The following PTCHD1 variants were observed in gnomAD, a reference collection of about 807,000 sequenced individuals.
PTCHD1 encodes the protein patched domain containing 1, also known as patched domain-containing protein 1.
Under a neutral mutation model 34.6 loss-of-function variants are expected in PTCHD1, and 3 were observed. That is an observed-to-expected ratio of 0.09 (90% CI 0.04 to 0.22). The LOEUF (loss-of-function observed/expected upper bound fraction) is 0.22, where lower values mean the gene tolerates loss of function less well. PTCHD1 is among the 10% of genes least tolerant of loss of function. The pLI is 1.00. For missense variants in PTCHD1, 504 were observed against 685.5 expected (o/e 0.74, Z 2.96); for synonymous variants, 305 against 283.1 (o/e 1.08, Z -0.77).
At chrX:23,387,725 ATC>A (rs1359718737) in intron 2 of PTCHD1, among the ~76,000 whole-genome samples, 2 of 110,047 alleles carry the variant, frequency 1.8e-5, no homozygotes, top group East Asian at 2.9e-4. Context: ...GCTCCCTTCA[ATC>A]TCTCTCTCTC....
rs182314506 is a variant in PTCHD1, at chrX:23,396,656, G to T, written c.*2471G>T. 3 of 111,905 alleles carry T rather than the reference G, an allele frequency of 2.7e-5. No individual in the cohort carries two copies. The East Asian group carries it at 8.4e-4, about 31-fold the overall frequency. 9.2% of individuals were successfully genotyped at this position (111,905 alleles called of 1,213,427 possible). ...GAACTCTGTTTTATGACAGATAATA[G>T]TTTTCCAACTTGATTGAGTCTCTGT... is the stretch of plus-strand genomic sequence containing the variant. On this transcript the variant is annotated 3_prime_UTR_variant, in exon 3 of 3. Transcript: ENST00000379361.
At chrX:23,370,709 G>A (rs1427453056) in intron 1 of PTCHD1, among the ~76,000 whole-genome samples, 2 of 111,670 alleles carry the variant, frequency 1.8e-5, no homozygotes, top group African/African-American at 6.5e-5. Context: ...TCCTTTCAAA[G>A]AAAAAATGTT....
intron 1 of PTCHD1, among the ~76,000 whole-genome samples, chrX:23,339,000 G>GA (rs1297881506): frequency 2.7e-5 from 3 of 110,402 alleles, no homozygotes; most frequent in East Asian, 5.7e-4. Flanking sequence ...GATTTTTTTG[G>GA]AAAAAAAATC....
chrX:23,379,532 C>A lies in PTCHD1; in HGVS notation c.352-59C>A, dbSNP rs139421310. On this transcript the variant is annotated intron_variant, in intron 1 of 2. Coordinates refer to ENST00000379361, the MANE Select transcript of PTCHD1 (RefSeq NM_173495.3). ...CTTAGAGACGGAATGTCCACCCTCT[C>A]CAAAAAATAAAAATAGAAATATTTG... 5.1e-3 allele frequency: 5,860 copies of A among 1,147,275 alleles called. 22 individuals carry two copies. The highest frequency in any genetic ancestry group is 0.011 in the Middle Eastern group (42 of 3,690). 94.5% of individuals were successfully genotyped at this position (1,147,275 alleles called of 1,213,427 possible).
At chrX:23,360,166 A>C (rs1168137614) in intron 1 of PTCHD1, among the ~76,000 whole-genome samples, 5 of 112,203 alleles carry the variant, frequency 4.5e-5, no homozygotes, top group Non-Finnish European at 9.4e-5. Flanking sequence ...GCCTCATAAA[A>C]TGAGTTAGGG....
chrX:23,373,717 C>T (rs1034111217), intron 1 of PTCHD1, among the ~76,000 whole-genome samples: 2 of 111,946 alleles, frequency 1.8e-5, no homozygotes, highest in African/African-American at 6.5e-5. Context: ...ACTGCTGCAG[C>T]CAGATCCATC....
At chrX:23,360,741 A>C (rs1921956894) in intron 1 of PTCHD1, among the ~76,000 whole-genome samples, 1 of 111,714 alleles carries the variant, frequency 9.0e-6, no homozygotes, top group Non-Finnish European at 1.9e-5. Flanking sequence ...TTGTGATGTT[A>C]GGGTGTCAAC....
rs770278429 is a variant in PTCHD1 at position 23,402,936 on chromosome X, TGTA to T, written c.*8756_*8758del. The T allele has an allele frequency of 2.7e-5, 3 of 112,461 alleles. No individual in the cohort carries two copies. In the East Asian group the frequency reaches 8.3e-4, roughly 31 times the overall value. 9.3% of individuals were successfully genotyped at this position (112,461 alleles called of 1,213,427 possible). A position where few individuals can be genotyped will look rare whatever the true frequency, so the allele number is the denominator to read the frequency against. ...TTCAATGTTGCTTTAACAGTCCAAT[TGTA>T]GTAGGTGAGAAAACAAAAAAGAAGA... On this transcript the variant is annotated 3_prime_UTR_variant, in exon 3 of 3. Transcript: ENST00000379361.
intron 1 of PTCHD1, among the ~76,000 whole-genome samples, chrX:23,363,016 G>A (rs1922031680): frequency 8.9e-6 from 1 of 111,772 alleles, no homozygotes; most frequent in Admixed American, 9.4e-5. Flanking sequence ...TCCTTCCTCT[G>A]GAAGCTTCAT....
Position 23,375,434 on chromosome X carries a change from C to T in PTCHD1, c.352-4157C>T, listed in dbSNP as rs778700323. 1.2e-3 allele frequency among the ~76,000 whole-genome samples: 134 copies of T among 109,240 alleles called. 2 individuals carry two copies. The highest frequency in any genetic ancestry group is 4.9e-3 in the Admixed American group (52 of 10,532). 94.9% of individuals were successfully genotyped at this position (109,240 alleles called of 115,157 possible). On this transcript the variant is annotated intron_variant, in intron 1 of 2. Coordinates refer to ENST00000379361, the MANE Select transcript of PTCHD1 (RefSeq NM_173495.3). Reference sequence around the variant, plus strand: ...CCTCCCATGTAGCTGGGATAACAGGCGCACACACCACCACGCCCGGCTAAT... The same window carrying T: ...CCTCCCATGTAGCTGGGATAACAGGTGCACACACCACCACGCCCGGCTAAT...
At chrX:23,341,345 A>ACTCTC (rs1921303441) in intron 1 of PTCHD1, among the ~76,000 whole-genome samples, 1 of 112,442 alleles carries the variant, frequency 8.9e-6, no homozygotes, top group African/African-American at 3.2e-5. Context: ...CCTTAAAAAT[A>ACTCTC]CGAGAAGGAG....
At position 23,391,090 on chromosome X, in the gene PTCHD1, C is replaced by T. The variant is rs184546439; in HGVS notation, c.1013-1441C>T. 2.7e-5 allele frequency among the ~76,000 whole-genome samples: 3 copies of T among 111,733 alleles called. No homozygotes were observed. The East Asian group carries it at 8.5e-4, about 31-fold the overall frequency. ...ACAGGGACTCGAAGTAGGGAAATGT[C>T]TGGCTCCAACTACGAGAGGTGGTAG... On this transcript the variant is annotated intron_variant, in intron 2 of 2. Transcript: ENST00000379361.
intron 2 of PTCHD1, among the ~76,000 whole-genome samples, chrX:23,389,272 CAA>C (rs1203950478): frequency 8.9e-6 from 1 of 111,800 alleles, no homozygotes; most frequent in Non-Finnish European, 1.9e-5. Flanking sequence ...GGCCAGAACA[CAA>C]GAGTCCTCAC....
chrX:23,394,038 C>T lies in PTCHD1; in HGVS notation c.2520C>T (p.Ala840=). 1 of 1,210,047 alleles carries T rather than the reference C, an allele frequency of 8.3e-7. No homozygotes were observed. Among genetic ancestry groups the T allele is most frequent in the Non-Finnish European group, 1.1e-6 (1 of 894,726 alleles). The change falls in exon 3 of 3, where the codon GCC becomes GCT. Residue 840 remains alanine, a synonymous_variant. Coordinates refer to ENST00000379361, the MANE Select transcript of PTCHD1 (RefSeq NM_173495.3). ...TTGTCACCTTCTTTCACTGCTTTGC[C>T]ATTTTACCTGTGATACTGACTTTCC... is the stretch of plus-strand genomic sequence containing the variant. ...IAFVTFFHCF[A]ILPVILTFLP...
chrX:23,392,801 C>G lies in PTCHD1; in HGVS notation c.1283C>G (p.Thr428Ser). The G allele has an allele frequency of 8.3e-7, 1 of 1,211,513 alleles. No homozygotes were observed. ...LSFYGSSLVF[T>S]GYIENNYQHS... ...TTTTATGGTTCCAGCCTAGTGTTCACTGGCTACATAGAAAACAATTACCAG... is the reference window on the plus strand; with the variant it reads ...TTTTATGGTTCCAGCCTAGTGTTCAGTGGCTACATAGAAAACAATTACCAG... The change falls in exon 3 of 3, where the codon ACT (threonine) becomes AGT (serine). Residue 428 changes from threonine (T) to serine (S), a missense_variant. Coordinates refer to ENST00000379361, the MANE Select transcript of PTCHD1 (RefSeq NM_173495.3).
intron 1 of PTCHD1, among the ~76,000 whole-genome samples, chrX:23,375,352 C>T (rs184805456): frequency 1.5e-4 from 16 of 103,888 alleles, no homozygotes; most frequent in East Asian, 9.2e-4. Flanking sequence ...TGCTGTGGCG[C>T]GATCTCCGCT....
rs755217730 is a variant in PTCHD1 at position 23,402,483 on chromosome X, A to C, written c.*8298A>C. ...GAATGACTGAATATGAGCTGAGGAT[A>C]ATGTAAATTGTTCTGGATTGTCTAT... On this transcript the variant is annotated 3_prime_UTR_variant, in exon 3 of 3. Transcript: ENST00000379361. The C allele has an allele frequency of 8.9e-6, 1 of 111,955 alleles. No individual in the cohort carries two copies. The highest frequency in any genetic ancestry group is 3.2e-5 in the African/African-American group (1 of 30,895). The allele number at this position is 111,955 out of a possible 1,213,427, so 9.2% of individuals were successfully genotyped here.
intron 1 of PTCHD1, chrX:23,350,921 G>C (rs1921616373): frequency 5.8e-6 from 1 of 172,546 alleles, no homozygotes; most frequent in Non-Finnish European, 1.1e-5. Flanking sequence ...ATATAGTAGA[G>C]GATGCAGCAG....
chrX:23,342,971 G>A (rs1405902), intron 1 of PTCHD1, among the ~76,000 whole-genome samples: 23,516 of 111,400 alleles, frequency 0.21, 2,645 homozygotes, highest in African/African-American at 0.42. Context: ...CTTAAGAGAG[G>A]TAATGAACTC....
Sources: gnomAD v4.1 joint callset for allele counts (sites outside exome capture counted in the v4.1 genomes callset) on GRCh38, gnomAD v4.1.1 for gene constraint, MANE v1.5 for transcripts, NCBI Gene and HGNC (gene_info 2026-07-23, HGNC 2026-07-21) for gene names.